Variants in DNAI4 observed in about 807,000 individuals in gnomAD.
DNAI4 encodes dynein axonemal intermediate chain 4.
Under a neutral mutation model 105.8 loss-of-function variants are expected in DNAI4, and 85 were observed. The observed-to-expected ratio is 0.80, with a 90% CI of 0.67 to 0.96. The LOEUF is 0.96. DNAI4 is among the 40% of genes least tolerant of loss of function. DNAI4 has a pLI of 0.00. For missense variants in DNAI4, 1,014 were observed against 1,005.6 expected (o/e 1.01, Z -0.11); for synonymous variants, 352 against 331.5 (o/e 1.06, Z -0.67).
rs116129047 is a variant in DNAI4 at position 66,897,865 on chromosome 1, G to A, written c.346-4452C>T. 7.8e-3 allele frequency among the ~76,000 whole-genome samples: 1,186 copies of A among 152,268 alleles called. 10 individuals carry two copies. The highest frequency in any genetic ancestry group is 0.01 in the Non-Finnish European group (686 of 68,022). On this transcript the variant is annotated intron_variant, in intron 2 of 16. Transcript: ENST00000371026. Reference sequence around the variant, plus strand: ...GTCTATGCAGAGATTTATCACAGGGGCAAAACCACTGCAGAAGGCCCCTAA... The same window carrying A: ...GTCTATGCAGAGATTTATCACAGGGACAAAACCACTGCAGAAGGCCCCTAA...
chr1:66,858,760 T>C (rs1646560552), intron 7 of DNAI4, among the ~76,000 whole-genome samples: 1 of 152,130 alleles, frequency 6.6e-6, no homozygotes, highest in Non-Finnish European at 1.5e-5. Flanking sequence ...CATTGCACAT[T>C]CATGATAAAA....
At chr1:66,922,694 G>A (rs1167886187) in intron 1 of DNAI4, among the ~76,000 whole-genome samples, 1 of 152,156 alleles carries the variant, frequency 6.6e-6, no homozygotes, top group East Asian at 1.9e-4. Flanking sequence ...ATAGAGTGAG[G>A]TATAAGATAG....
intron 4 of DNAI4, among the ~76,000 whole-genome samples, chr1:66,879,512 T>G (rs939830362): frequency 1.3e-5 from 2 of 152,216 alleles, no homozygotes; most frequent in African/African-American, 2.4e-5. Context: ...GATTTTTGTG[T>G]GAAGATAAAT....
chr1:66,903,307 G>T (rs189001396), intron 2 of DNAI4, among the ~76,000 whole-genome samples: 13 of 152,202 alleles, frequency 8.5e-5, no homozygotes, highest in Non-Finnish European at 1.3e-4. Flanking sequence ...TATTGTAAAT[G>T]CAATCTTTTT....
At chr1:66,817,916 C>T (rs933255671) in intron 16 of DNAI4, among the ~76,000 whole-genome samples, 1 of 152,064 alleles carries the variant, frequency 6.6e-6, no homozygotes, top group African/African-American at 2.4e-5. Flanking sequence ...CAATGTCAGG[C>T]TTCATTCCCT....
intron 6 of DNAI4, chr1:66,871,122 G>A (rs944021947): frequency 1.9e-5 from 8 of 416,008 alleles, no homozygotes; most frequent in African/African-American, 1.2e-4. Flanking sequence ...CGTTTAAAGA[G>A]TATAAAGTTC....
At chr1:66,842,397 GT>G (rs1646169192) in intron 8 of DNAI4, among the ~76,000 whole-genome samples, 1 of 151,980 alleles carries the variant, frequency 6.6e-6, no homozygotes, top group Non-Finnish European at 1.5e-5. Context: ...TGTTTGTTTT[GT>G]TTTGTTTTTG....
At chr1:66,892,806 G>A (rs1227860868) in intron 3 of DNAI4, among the ~76,000 whole-genome samples, 1 of 151,790 alleles carries the variant, frequency 6.6e-6, no homozygotes, top group East Asian at 1.9e-4. Context: ...TACTTGGGAG[G>A]CTGAGGCAGG....
chr1:66,870,748 C>CAAAAAAAAA (rs1184105731), intron 6 of DNAI4: 3 of 16,614 alleles, frequency 1.8e-4, no homozygotes, highest in African/African-American at 4.6e-4. Flanking sequence ...GACTCTGACG[C>CAAAAAAAAA]AAAAAAAAAA....
chr1:66,908,539 C>G (rs1231254114), intron 1 of DNAI4, among the ~76,000 whole-genome samples: 3 of 152,174 alleles, frequency 2.0e-5, no homozygotes, highest in African/African-American at 7.2e-5. Flanking sequence ...TGGGTAGTCC[C>G]CTGTGGTGTG....
At chr1:66,833,746 A>G (rs1645919523) in intron 12 of DNAI4, 40 bp from the exon 13 acceptor site, 2 of 1,598,008 alleles carry the variant, frequency 1.3e-6, no homozygotes, top group African/African-American at 1.4e-5. Context: ...GTTATTTACC[A>G]CATGAAAGAG....
chr1:66,845,022 G>C (rs778966494), intron 8 of DNAI4, among the ~76,000 whole-genome samples: 1 of 151,384 alleles, frequency 6.6e-6, no homozygotes, highest in Non-Finnish European at 1.5e-5. Context: ...GGTGAAACCC[G>C]GTCTCTACTA....
intron 8 of DNAI4, among the ~76,000 whole-genome samples, chr1:66,846,037 A>G (rs1646268580): frequency 1.3e-5 from 2 of 152,202 alleles, no homozygotes; most frequent in African/African-American, 2.4e-5. Flanking sequence ...TCTTACCTCA[A>G]TAAAACATTT....
At position 66,812,965 on chromosome 1, in the gene DNAI4, A is replaced by T. The variant is rs1374020636; in HGVS notation, c.*1165T>A. 6.6e-6 allele frequency: 1 copy of T among 152,368 alleles called. No homozygotes were observed. Among genetic ancestry groups the T allele is most frequent in the South Asian group, 2.1e-4 (1 of 4,834 alleles). The allele number at this position is 152,368 out of a possible 1,614,324, so 9.4% of individuals were successfully genotyped here. On this transcript the variant is annotated 3_prime_UTR_variant, in exon 17 of 17. Transcript: ENST00000371026. ...CAATCTTTCAGAAAGACAAAAACAA[A>T]GATAATCACAATGACATACCAGTGG...
chr1:66,826,452 C>T (rs1283829067), intron 15 of DNAI4, among the ~76,000 whole-genome samples: 1 of 152,088 alleles, frequency 6.6e-6, no homozygotes, highest in Non-Finnish European at 1.5e-5. Flanking sequence ...GTGCATGCCA[C>T]CACACCTGGC....
chr1:66,863,277 AAAG>A (rs1329833777), intron 6 of DNAI4, among the ~76,000 whole-genome samples: 1 of 152,202 alleles, frequency 6.6e-6, no homozygotes, highest in Non-Finnish European at 1.5e-5. Context: ...TTTTTCAGTT[AAAG>A]GATGGTGATT....
intron 7 of DNAI4, among the ~76,000 whole-genome samples, chr1:66,857,715 G>C (rs1487641096): frequency 6.6e-6 from 1 of 151,876 alleles, no homozygotes; most frequent in Non-Finnish European, 1.5e-5. Flanking sequence ...TGAATTTTTA[G>C]TACAGACGGA....
At position 66,822,403 on chromosome 1, in the gene DNAI4, C is replaced by G; in HGVS notation, c.2454G>C (p.Val818=). The change falls in exon 16 of 17, where the codon GTG becomes GTC. Residue 818 remains valine (V), a synonymous_variant. Coordinates refer to ENST00000371026, the MANE Select transcript of DNAI4 (RefSeq NM_024763.5). ...CAGTAGGCATATTTCTCAGTTCATA[C>G]ACAGAAACCTGTCCATCACTGTCTC... ...LVGDSDGQVS[V]YELRNMPTVL... The G allele has an allele frequency of 6.2e-7, 1 of 1,612,752 alleles. No individual in the cohort carries two copies. Among genetic ancestry groups the G allele is most frequent in the Non-Finnish European group, 8.5e-7 (1 of 1,179,558 alleles).
Position 66,827,849 on chromosome 1 carries a change from T to C in DNAI4, c.2075A>G (p.Tyr692Cys), listed in dbSNP as rs753011241. ...GTAGGTATCTAAGTATTGTTCATTA[T>C]ATGAACAAGAACATTTGTGAATATG... ...EGHIHKCSCS[Y>C]NEQYLDTYRG... Residue 692 changes from tyrosine (Y) to cysteine (C), a missense_variant, in exon 14 of 17, where the codon TAT (tyrosine) becomes TGT (cysteine). Tyr to Cys is a radical substitution (Grantham distance 194). Coordinates refer to ENST00000371026, the MANE Select transcript of DNAI4 (RefSeq NM_024763.5). 2 of 1,605,764 alleles carry C rather than the reference T, an allele frequency of 1.2e-6. No individual in the cohort carries two copies. Among genetic ancestry groups the C allele is most frequent in the African/African-American group, 1.3e-5 (1 of 74,672 alleles).
Sources: allele counts gnomAD v4.1 joint callset (sites outside exome capture counted in the v4.1 genomes callset), GRCh38; gene constraint gnomAD v4.1.1; transcripts MANE v1.5; gene names NCBI Gene and HGNC (gene_info 2026-07-23, HGNC 2026-07-21).